The following ZBTB32 variants were observed in gnomAD, a reference collection of about 807,000 sequenced individuals.
ZBTB32 encodes the protein zinc finger and BTB domain containing 32, also known as zinc finger and BTB domain-containing protein 32.
Under a neutral mutation model 45.3 loss-of-function variants are expected in ZBTB32, and 28 were observed. The ratio of observed to expected loss-of-function variants is 0.62; its 90% CI spans 0.46 to 0.85. ZBTB32 has a LOEUF of 0.85. Ranked by LOEUF, ZBTB32 falls within the 40% of genes least tolerant of loss-of-function variation. ZBTB32 has a pLI of 0.00. For synonymous variants in ZBTB32, 283 were observed against 255.7 expected (o/e 1.11, Z -1.02); for missense variants, 587 against 624.4 (o/e 0.94, Z 0.64).
At chr19:35,715,619 G>T in intron 3 of ZBTB32, 112 bp downstream of exon 3, 1 of 1,483,752 alleles carries the variant, frequency 6.7e-7, no homozygotes. Context: ...TCCTGAGCTG[G>T]GGAAGAGACA....
At position 35,715,926 on chromosome 19, in the gene ZBTB32, C is replaced by T; in HGVS notation, c.956-13C>T. 6.2e-7 allele frequency: 1 copy of T among 1,612,858 alleles called. No individual in the cohort carries two copies. Among genetic ancestry groups the T allele is most frequent in the Non-Finnish European group, 8.5e-7 (1 of 1,179,460 alleles). On this transcript the variant is annotated splice_polypyrimidine_tract_variant and intron_variant, in intron 4 of 6. Transcript: ENST00000392197. Reference sequence around the variant, plus strand: ...GCCTGAGCAGGGCCCCTACCTCCCACTGTTCCTTCCAGGTTCCCTCCCCCA... The same window carrying T: ...GCCTGAGCAGGGCCCCTACCTCCCATTGTTCCTTCCAGGTTCCCTCCCCCA...
At chr19:35,707,785 C>A (rs1005570626) in intron 1 of ZBTB32, among the ~76,000 whole-genome samples, 2 of 152,016 alleles carry the variant, frequency 1.3e-5, no homozygotes, top group Admixed American at 6.5e-5. Flanking sequence ...AGTTTGAGAC[C>A]AGCCTGGCCA....
intron 1 of ZBTB32, 48 bp from the exon 2 acceptor site, chr19:35,712,869 C>T (rs1968739615): frequency 1.3e-5 from 2 of 152,156 alleles, no homozygotes; most frequent in Non-Finnish European, 2.9e-5. Flanking sequence ...CTGGCTCCTC[C>T]ACCCTATTCT....
intron 1 of ZBTB32, among the ~76,000 whole-genome samples, chr19:35,706,047 G>A (rs370031323): frequency 6.6e-6 from 1 of 151,810 alleles, no homozygotes; most frequent in Non-Finnish European, 1.5e-5. Flanking sequence ...TGACCAACAT[G>A]GAGAAACCCC....
chr19:35,710,167 G>A (rs952601795), intron 1 of ZBTB32, among the ~76,000 whole-genome samples: 2 of 151,750 alleles, frequency 1.3e-5, no homozygotes, highest in Admixed American at 1.3e-4. Flanking sequence ...CCAAGATAGC[G>A]CCATTGTACT....
In ZBTB32 at chr19:35,715,230, CA is replaced by C; in HGVS notation, c.607del (p.Arg203GlyfsTer13). 1 of 1,603,198 alleles carries C rather than the reference CA, an allele frequency of 6.2e-7. No homozygotes were observed. ...GAAACGCCTCCAAGCCCCTGTTGGC[CA>C]AAGGGGAGCAGATGGGAAGCATGGA... Reference protein sequence around the residue: ...KEKRLQAPVGQRGADGKHGVL... With the variant: ...KEKRLQAPVGXRGADGKHGVL... On this transcript the variant is annotated frameshift_variant, in exon 3 of 7. Coordinates refer to ENST00000392197, the MANE Select transcript of ZBTB32 (RefSeq NM_014383.3). LOFTEE classifies it high-confidence loss of function.
intron 1 of ZBTB32, among the ~76,000 whole-genome samples, chr19:35,711,233 C>A (rs1340129514): frequency 1.3e-5 from 2 of 152,196 alleles, no homozygotes; most frequent in Non-Finnish European, 2.9e-5. Context: ...ATCGTCCAGA[C>A]CCCTGTACCT....
chr19:35,705,125 G>C (rs1250752621), intron 1 of ZBTB32, among the ~76,000 whole-genome samples: 1 of 152,092 alleles, frequency 6.6e-6, no homozygotes, highest in Non-Finnish European at 1.5e-5. Context: ...GGCCAACATG[G>C]AGAAACCCTG....
intron 1 of ZBTB32, among the ~76,000 whole-genome samples, chr19:35,706,937 C>T (rs538361302): frequency 5.3e-5 from 8 of 152,056 alleles, no homozygotes; most frequent in African/African-American, 1.4e-4. Flanking sequence ...AGTCTAACCC[C>T]GAAACCAGTT....
intron 1 of ZBTB32, among the ~76,000 whole-genome samples, chr19:35,704,876 T>C (rs1968500715): frequency 2.0e-5 from 3 of 151,928 alleles, no homozygotes; most frequent in Admixed American, 1.3e-4. Flanking sequence ...CCAGCCTGAG[T>C]AGGAAGGGTG....
intron 1 of ZBTB32, among the ~76,000 whole-genome samples, chr19:35,709,185 T>C (rs995112807): frequency 6.6e-6 from 1 of 152,298 alleles, no homozygotes; most frequent in Non-Finnish European, 1.5e-5. Flanking sequence ...TATAAAATGC[T>C]GTGGGGAATT....
At chr19:35,710,602 A>C (rs1276691400) in intron 1 of ZBTB32, among the ~76,000 whole-genome samples, 1 of 152,060 alleles carries the variant, frequency 6.6e-6, no homozygotes, top group Admixed American at 6.5e-5. Context: ...AAATACAAAA[A>C]AATTAGCCGG....
At chr19:35,708,127 T>G (rs1447702885) in intron 1 of ZBTB32, among the ~76,000 whole-genome samples, 1 of 152,224 alleles carries the variant, frequency 6.6e-6, no homozygotes, top group Non-Finnish European at 1.5e-5. Flanking sequence ...TCTCTTCCCA[T>G]GCCTGGTGTT....
At chr19:35,713,900 C>G (rs1034595103) in intron 2 of ZBTB32, among the ~76,000 whole-genome samples, 8 of 152,270 alleles carry the variant, frequency 5.3e-5, no homozygotes, top group African/African-American at 1.7e-4. Flanking sequence ...GGAGCCTCCT[C>G]TCCTGTGGCT....
intron 1 of ZBTB32, among the ~76,000 whole-genome samples, chr19:35,710,283 A>G (rs1599649932): frequency 6.6e-6 from 1 of 151,762 alleles, no homozygotes; most frequent in African/African-American, 2.4e-5. Flanking sequence ...TTTATCACAT[A>G]CTCCCCTTCC....
In ZBTB32 at chr19:35,715,162, G is replaced by A. The variant is rs1968826491; in HGVS notation, c.536G>A (p.Gly179Glu). ...CCAAGAGGCAGACCCGAGATGGCAG[G>A]AGCAACGCAGGAGGCTCAGCAGGAA... ...SPPRGRPEMA[G>E]ATQEAQQEQT... is the part of the protein sequence containing the mutation. The change falls in exon 3 of 7, where the codon GGA becomes GAA. Residue 179 changes from glycine (G) to glutamate (E), a missense_variant. Gly to Glu is a moderately conservative substitution (Grantham distance 98). Coordinates refer to ENST00000392197, the MANE Select transcript of ZBTB32 (RefSeq NM_014383.3). The A allele has an allele frequency of 1.9e-6, 3 of 1,613,600 alleles. No homozygotes were observed. The highest frequency in any genetic ancestry group is 1.7e-5 in the Admixed American group (1 of 59,992).
chr19:35,714,094 C>T (rs563227772), intron 2 of ZBTB32: 2 of 152,478 alleles, frequency 1.3e-5, no homozygotes, highest in East Asian at 3.9e-4. Context: ...TGGGGGAGGA[C>T]CCACTAGCTT....
intron 1 of ZBTB32, among the ~76,000 whole-genome samples, chr19:35,705,712 A>G (rs1968521607): frequency 6.6e-6 from 1 of 151,680 alleles, no homozygotes; most frequent in South Asian, 2.1e-4. Context: ...GGAGCTCGAG[A>G]CCAGCCTGAC....
intron 1 of ZBTB32, among the ~76,000 whole-genome samples, chr19:35,708,822 C>CT (rs560022559): frequency 0.11 from 15,197 of 142,098 alleles, 880 homozygotes; most frequent in Admixed American, 0.12. Flanking sequence ...TTTCTTTTTT[C>CT]TTTTTTTTTT....
Sources: gnomAD v4.1 joint callset for allele counts (sites outside exome capture counted in the v4.1 genomes callset) on GRCh38, gnomAD v4.1.1 for gene constraint, MANE v1.5 for transcripts, NCBI Gene and HGNC (gene_info 2026-07-23, HGNC 2026-07-21) for gene names.